NDUFA10: variants seen among roughly 807,000 people sequenced by gnomAD.
The protein encoded by NDUFA10 is NADH:ubiquinone oxidoreductase subunit A10.
In NDUFA10, 40 loss-of-function variants were observed where a neutral mutation model predicts 47.8. That is an observed-to-expected ratio of 0.84 (90% CI 0.65 to 1.09). NDUFA10 has a LOEUF of 1.09. Ranked by LOEUF, NDUFA10 falls within the 50% of genes least tolerant of loss-of-function variation. The pLI, the probability that NDUFA10 is intolerant of heterozygous loss-of-function variation, is 0.00. For synonymous variants in NDUFA10, 183 were observed against 172.2 expected (o/e 1.06, Z -0.49); for missense variants, 413 against 451.1 (o/e 0.92, Z 0.76).
intron 3 of NDUFA10, 137 bp from the exon 4 acceptor site, chr2:240,018,776 T>TA: frequency 1.0e-6 from 1 of 969,838 alleles, no homozygotes. Flanking sequence ...GAAAAGAACA[T>TA]AGACATATTT....
In NDUFA10 at chr2:239,928,616, A is replaced by G. The variant is rs1574784606; in HGVS notation, c.295-33302T>C. Among the ~76,000 whole-genome samples the G allele has an allele frequency of 2.0e-5, 3 of 151,992 alleles. No homozygotes were observed. In the South Asian group the frequency reaches 6.2e-4, roughly 32 times the overall value. On this transcript the variant is annotated intron_variant, in intron 4 of 5. Coordinates refer to the NDUFA10 transcript ENST00000419408. The surrounding 1 kb of genome is among the most constrained non-coding windows in gnomAD (Gnocchi z 4.3). ...CTATGCTCTCCCCACAGGTGACCTC[A>G]TCCAGGGCCCTGGGGGACACTCTCA...
chr2:239,899,143 G>A (rs373665259), intron 4 of NDUFA10, among the ~76,000 whole-genome samples: 2 of 12,338 alleles, frequency 1.6e-4, no homozygotes, highest in East Asian at 4.8e-3. Flanking sequence ...GTGATGGAGG[G>A]GTGTGATGGA....
chr2:239,937,462 T>C (rs1301317034), intron 4 of NDUFA10, among the ~76,000 whole-genome samples: 1 of 152,206 alleles, frequency 6.6e-6, no homozygotes, highest in Non-Finnish European at 1.5e-5. Context: ...ACTGGCATCA[T>C]ACACTATGTG....
In NDUFA10 at chr2:239,945,544, G is replaced by A. The variant is rs578051030; in HGVS notation, c.294+44530C>T. Reference sequence around the variant, plus strand: ...GCCGGTCAGGGCTGCAGTCTACCCCGTATGGCCAGGCTGGGAGGATCCTGG... The same window carrying A: ...GCCGGTCAGGGCTGCAGTCTACCCCATATGGCCAGGCTGGGAGGATCCTGG... On this transcript the variant is annotated intron_variant, in intron 4 of 5. Coordinates refer to the NDUFA10 transcript ENST00000419408. This position sits in a 1 kb window ranked among gnomAD's most constrained non-coding sequence, Gnocchi z 4.6. Among the ~76,000 whole-genome samples the A allele has an allele frequency of 2.0e-5, 3 of 152,230 alleles. No individual in the cohort carries two copies. Among genetic ancestry groups the A allele is most frequent in the Non-Finnish European group, 2.9e-5 (2 of 68,004 alleles).
chr2:239,940,123 T>C (rs1052724801), intron 4 of NDUFA10, among the ~76,000 whole-genome samples: 1 of 152,176 alleles, frequency 6.6e-6, no homozygotes, highest in Non-Finnish European at 1.5e-5. Context: ...GGTTGGAGGG[T>C]AAAGACATCA....
intron 4 of NDUFA10, among the ~76,000 whole-genome samples, chr2:239,901,380 T>C (rs1693546893): frequency 6.6e-6 from 1 of 151,846 alleles, no homozygotes; most frequent in Non-Finnish European, 1.5e-5. Flanking sequence ...TAGTAATAAA[T>C]GGAATAAGAA....
intron 9 of NDUFA10, among the ~76,000 whole-genome samples, chr2:239,964,718 C>G (rs982090878): frequency 6.6e-6 from 1 of 152,148 alleles, no homozygotes; most frequent in Admixed American, 6.5e-5. Flanking sequence ...AGGACACCTC[C>G]AGCAGAACCA....
At chr2:239,955,583 A>G (rs1694637018), downstream of NDUFA10, among the ~76,000 whole-genome samples, 1 of 152,152 alleles carries the variant, frequency 6.6e-6, no homozygotes, top group African/African-American at 2.4e-5. Flanking sequence ...GCGAGGCAAA[A>G]GGCTGAATTC....
Position 239,944,814 on chromosome 2 carries a change from C to T in NDUFA10, c.294+45260G>A, listed in dbSNP as rs7598179. Among the ~76,000 whole-genome samples the T allele has an allele frequency of 4.6e-3, 698 of 152,278 alleles. 5 individuals are homozygous for T. Among genetic ancestry groups the T allele is most frequent in the African/African-American group, 0.016 (668 of 41,562 alleles). On this transcript the variant is annotated intron_variant, in intron 4 of 5. Transcript: ENST00000419408. ...GCCCAGAGCCACCTGCCCCTGTCCCCAGAGCCTTGGGGCCATAGTAACTTT... is the reference window on the plus strand; with the variant it reads ...GCCCAGAGCCACCTGCCCCTGTCCCTAGAGCCTTGGGGCCATAGTAACTTT...
At chr2:239,925,140 T>C (rs956547998) in intron 4 of NDUFA10, among the ~76,000 whole-genome samples, 4 of 152,106 alleles carry the variant, frequency 2.6e-5, no homozygotes, top group African/African-American at 7.2e-5. Context: ...CTTAGTGTAG[T>C]TCTTATTAAA....
At chr2:239,965,844 C>T (rs1371055844) in intron 9 of NDUFA10, among the ~76,000 whole-genome samples, 1 of 152,244 alleles carries the variant, frequency 6.6e-6, no homozygotes, top group Non-Finnish European at 1.5e-5. Context: ...TGCTCATCCT[C>T]TGCAATCCCC....
At chr2:240,012,323 A>T (rs1394708363) in intron 5 of NDUFA10, 1 of 163,284 alleles carries the variant, frequency 6.1e-6, no homozygotes, top group Admixed American at 5.7e-5. Flanking sequence ...TTTTCTTCAC[A>T]TCATTTACCT....
intron 4 of NDUFA10, among the ~76,000 whole-genome samples, chr2:239,914,919 A>G (rs1232862125): frequency 6.7e-6 from 1 of 150,072 alleles, no homozygotes; most frequent in Non-Finnish European, 1.5e-5. Flanking sequence ...ACACACACAA[A>G]TATACAGATA....
intron 9 of NDUFA10, 49 bp downstream of exon 9, chr2:239,990,025 T>G (rs764167121): frequency 5.5e-5 from 72 of 1,314,086 alleles, no homozygotes; most frequent in Admixed American, 2.5e-4. Context: ...TGTCCCCAGG[T>G]GCTGCAGACT....
intron 4 of NDUFA10, among the ~76,000 whole-genome samples, chr2:239,920,533 T>G (rs1464105796): frequency 6.6e-6 from 1 of 152,194 alleles, no homozygotes; most frequent in African/African-American, 2.4e-5. Context: ...AAGTGTTTTC[T>G]CCTAAGCTAA....
chr2:239,933,727 A>G (rs369741076), intron 4 of NDUFA10, among the ~76,000 whole-genome samples: 58 of 152,164 alleles, frequency 3.8e-4, no homozygotes, highest in African/African-American at 1.3e-3. Context: ...CTAAGGAATG[A>G]TATGTAGGGC....
chr2:240,019,320 T>A (rs1242749406), intron 3 of NDUFA10, among the ~76,000 whole-genome samples: 2 of 152,116 alleles, frequency 1.3e-5, no homozygotes. Context: ...ACAGCAGACA[T>A]GCACTAAATA....
At chr2:239,894,072 C>T (rs1354217007) in intron 5 of NDUFA10, among the ~76,000 whole-genome samples, 1 of 148,560 alleles carries the variant, frequency 6.7e-6, no homozygotes, top group East Asian at 2.0e-4. Context: ...TTCCTCCCTG[C>T]CTTCCGTCCT....
chr2:239,936,827 G>A (rs1694273871), intron 4 of NDUFA10, among the ~76,000 whole-genome samples: 2 of 152,162 alleles, frequency 1.3e-5, no homozygotes, highest in Admixed American at 6.5e-5. Flanking sequence ...GGGTGTTGCG[G>A]TGCATGCCTG....
Sources: gnomAD v4.1 joint callset for allele counts (sites outside exome capture counted in the v4.1 genomes callset) on GRCh38, gnomAD v4.1.1 for gene constraint, Gnocchi (gnomAD v3.1) non-coding constraint, MANE v1.5 for transcripts, NCBI Gene and HGNC (gene_info 2026-07-23, HGNC 2026-07-21) for gene names.